Variants in FLT3 observed in about 807,000 individuals in gnomAD.
FLT3 encodes fms related receptor tyrosine kinase 3, also known as receptor-type tyrosine-protein kinase FLT3.
FLT3 carries 46 observed loss-of-function variants against 126.6 expected under a neutral mutation model. That is an observed-to-expected ratio of 0.36 (90% CI 0.29 to 0.46). FLT3 has a LOEUF of 0.46. Ranked by LOEUF, FLT3 falls within the 20% of genes least tolerant of loss-of-function variation. FLT3 has a pLI of 1.00. For missense variants in FLT3, 1,069 were observed against 1,190.3 expected, an observed-to-expected ratio of 0.90 and a Z score of 1.50; for synonymous variants, 404 against 434.4, an observed-to-expected ratio of 0.93 and a Z score of 0.87.
intron 23 of FLT3, among the ~76,000 whole-genome samples, chr13:28,013,381 A>G (rs1363636400): frequency 6.6e-6 from 1 of 152,104 alleles, no homozygotes; most frequent in Non-Finnish European, 1.5e-5. Context: ...CCTTCTTACA[A>G]CTCCATGAGG....
At chr13:28,050,057 G>C (rs368089441) in intron 6 of FLT3, 38 bp downstream of exon 6, 3 of 1,605,800 alleles carry the variant, frequency 1.9e-6, no homozygotes, top group Non-Finnish European at 2.6e-6. Context: ...CTAAGAACCG[G>C]TCACTGAAAA....
intron 2 of FLT3, 73 bp from the exon 3 acceptor site, chr13:28,062,142 CT>C: frequency 8.8e-7 from 1 of 1,132,792 alleles, no homozygotes; most frequent in Non-Finnish European, 1.3e-6. Flanking sequence ...CACATCAAAA[CT>C]TTATCAAACA....
At chr13:28,024,133 CTTTCT>C (rs894671239) in intron 18 of FLT3, among the ~76,000 whole-genome samples, 33 of 143,374 alleles carry the variant, frequency 2.3e-4, no homozygotes, top group East Asian at 2.0e-4. Context: ...TTTTTTCTTT[CTTTCT>C]TTTTTTTTTT....
At chr13:28,044,056 T>C (rs1182708671) in intron 9 of FLT3, among the ~76,000 whole-genome samples, 1 of 150,428 alleles carries the variant, frequency 6.6e-6, no homozygotes, top group Non-Finnish European at 1.5e-5. Flanking sequence ...GGAGAATCAC[T>C]TAATCACCTC....
In FLT3 at chr13:28,070,644, T is replaced by C. The variant is rs748963493; in HGVS notation, c.44-32A>G. 3.9e-6 allele frequency: 6 copies of C among 1,532,352 alleles called. No individual in the cohort carries two copies. In the African/African-American group the frequency reaches 4.1e-5, roughly 10 times the overall value. 94.9% of individuals were successfully genotyped at this position (1,532,352 alleles called of 1,614,324 possible). ...AACAAAATAAAAATGATAATGTTGA[T>C]ACATGCACACCTTAAAAAGAAAACA... On this transcript the variant is annotated intron_variant, in intron 1 of 23. Transcript: ENST00000241453.
chr13:28,084,497 G>A (rs1388857052), intron 1 of FLT3, among the ~76,000 whole-genome samples: 1 of 152,038 alleles, frequency 6.6e-6, no homozygotes, highest in Non-Finnish European at 1.5e-5. Flanking sequence ...TGGGAGTACA[G>A]GCAAATGCCA....
chr13:28,074,751 C>T (rs927674637), intron 1 of FLT3, among the ~76,000 whole-genome samples: 3 of 152,148 alleles, frequency 2.0e-5, no homozygotes, highest in Non-Finnish European at 4.4e-5. Context: ...AGCCATCCCC[C>T]CACCTTAGCT....
chr13:28,049,254 C>G, intron 8 of FLT3, 130 bp downstream of exon 8: 1 of 905,822 alleles, frequency 1.1e-6, no homozygotes, highest in South Asian at 1.6e-5. Context: ...CAAAGCTATT[C>G]TAACTCAGTT....
At chr13:28,092,324 C>T (rs1463472469) in intron 1 of FLT3, among the ~76,000 whole-genome samples, 2 of 151,258 alleles carry the variant, frequency 1.3e-5, no homozygotes, top group Admixed American at 6.6e-5. Context: ...TTGACTCCTC[C>T]CTCTCCCTCA....
At chr13:28,051,805 C>G (rs1481670388) in intron 5 of FLT3, among the ~76,000 whole-genome samples, 1 of 151,886 alleles carries the variant, frequency 6.6e-6, no homozygotes, top group Non-Finnish European at 1.5e-5. Context: ...CTTGGCCTCC[C>G]AAAGTGCTGG....
At chr13:28,040,882 C>T (rs909058458) in intron 9 of FLT3, among the ~76,000 whole-genome samples, 2 of 150,396 alleles carry the variant, frequency 1.3e-5, no homozygotes, top group Non-Finnish European at 3.0e-5. Flanking sequence ...CACCTGTGGT[C>T]CCAGCTACTT....
chr13:28,096,564 G>A lies in FLT3; in HGVS notation c.43+3904C>T, dbSNP rs553514729. On this transcript the variant is annotated intron_variant, in intron 1 of 23. Coordinates refer to ENST00000241453, the MANE Select transcript of FLT3 (RefSeq NM_004119.3). ...TGATTCTCCTGCTTCAGCCTCCCAA[G>A]TAGCTGGGATTACAAGCGTCTGCCA... is the stretch of plus-strand genomic sequence containing the variant. Among the ~76,000 whole-genome samples, 3 of 152,002 alleles carry A rather than the reference G, an allele frequency of 2.0e-5. No homozygotes were observed. The East Asian group carries it at 5.8e-4, about 30-fold the overall frequency.
intron 12 of FLT3, among the ~76,000 whole-genome samples, chr13:28,034,818 G>C (rs1161782978): frequency 6.6e-6 from 1 of 152,100 alleles, no homozygotes; most frequent in Non-Finnish European, 1.5e-5. Context: ...GCTGGGCGTG[G>C]TGGCAGGTGC....
In FLT3 at chr13:28,081,947, C is replaced by A. The variant is rs539329781; in HGVS notation, c.44-11335G>T. Among the ~76,000 whole-genome samples, 9 of 148,046 alleles carry A rather than the reference C, an allele frequency of 6.1e-5. No homozygotes were observed. The East Asian group carries it at 1.8e-3, about 29-fold the overall frequency. ...TCTTGGCTCACTGCAACCTCCATCT[C>A]CCGGGTTCAAGCAATTTTTGTCCCT... On this transcript the variant is annotated intron_variant, in intron 1 of 23. Transcript: ENST00000241453.
Position 28,014,457 on chromosome 13 carries a change from C to A in FLT3, c.2854G>T (p.Glu952Ter). ...FLGCQLADAEEAMYQNVDGRV... is the reference protein window; with the variant it reads ...FLGCQLADAE ...AAGTCCTGGCTGCTACATACCGCTT[C>A]TTCTGCATCTGCCAGCTGACATCCT... is the stretch of plus-strand genomic sequence containing the variant. Residue 952 changes from glutamate (E) to a stop codon, truncating the protein, a stop_gained, in exon 23 of 24, where the codon GAA (glutamate) becomes TAA (stop). Transcript: ENST00000241453. LOFTEE classifies it low-confidence loss of function (END_TRUNC). 1 of 1,611,098 alleles carries A rather than the reference C, an allele frequency of 6.2e-7. No homozygotes were observed. Among genetic ancestry groups the A allele is most frequent in the African/African-American group, 1.3e-5 (1 of 74,982 alleles).
Position 28,041,084 on chromosome 13 carries a change from C to A in FLT3, c.1206-3796G>T, listed in dbSNP as rs369191384. On this transcript the variant is annotated intron_variant, in intron 9 of 23. Transcript: ENST00000241453. ...CTTATCCTGACCTATTTCTGGACAACAAGGAGGAAATCACTGGTGAAGTGG... is the reference window on the plus strand; with the variant it reads ...CTTATCCTGACCTATTTCTGGACAAAAAGGAGGAAATCACTGGTGAAGTGG... Among the ~76,000 whole-genome samples, 6 of 151,888 alleles carry A rather than the reference C, an allele frequency of 4.0e-5. No homozygotes were observed. In the East Asian group the frequency reaches 1.2e-3, roughly 29 times the overall value.
chr13:28,042,137 C>T (rs1874433275), intron 9 of FLT3, among the ~76,000 whole-genome samples: 1 of 133,080 alleles, frequency 7.5e-6, no homozygotes, highest in African/African-American at 2.8e-5. Flanking sequence ...GAGGGCAAGC[C>T]TCCATCCGAA....
Position 28,034,193 on chromosome 13 carries a change from G to A in FLT3, c.1726C>T (p.Leu576=). ...GAGCCGGTCACCTGTACCATCTGTA[G>A]CTGGCTTTCATACCTAAATTGCTTC... is the stretch of plus-strand genomic sequence containing the variant. ...YKKQFRYESQ[L]QMVQVTGSSD... Residue 576 remains leucine, a synonymous_variant, in exon 14 of 24, where the codon CTA becomes TTA. Transcript: ENST00000241453. 3.1e-6 allele frequency: 5 copies of A among 1,614,028 alleles called. No homozygotes were observed. The highest frequency in any genetic ancestry group is 4.2e-6 in the Non-Finnish European group (5 of 1,179,942).
chr13:28,025,825 T>G (rs1023139296), intron 17 of FLT3, among the ~76,000 whole-genome samples: 2 of 152,128 alleles, frequency 1.3e-5, no homozygotes, highest in East Asian at 3.9e-4. Context: ...TAAGGGCAGC[T>G]GCACACGGAC....
Sources: gnomAD v4.1 joint callset for allele counts (sites outside exome capture counted in the v4.1 genomes callset) on GRCh38, gnomAD v4.1.1 for gene constraint, MANE v1.5 for transcripts, NCBI Gene and HGNC (gene_info 2026-07-23, HGNC 2026-07-21) for gene names.